Variants in MED27 observed in about 807,000 individuals in gnomAD.
MED27 encodes mediator complex subunit 27.
A neutral mutation model predicts 38.2 loss-of-function variants in MED27; 30 were observed. The observed-to-expected ratio is 0.79, with a 90% CI of 0.59 to 1.07. MED27 has a LOEUF of 1.07. Among genes scored for constraint, MED27 ranks in the 50% least tolerant of loss-of-function variants. The probability of loss-of-function intolerance (pLI) is 0.00; values close to 1 mark genes in which losing one functional copy is unlikely to be tolerated. For missense variants in MED27, 289 were observed against 397.5 expected, an observed-to-expected ratio of 0.73 and a Z score of 2.32; for synonymous variants, 122 against 153.5, an observed-to-expected ratio of 0.79 and a Z score of 1.52.
At chr9:132,044,808 G>A (rs974045270) in intron 2 of MED27, among the ~76,000 whole-genome samples, 2 of 152,098 alleles carry the variant, frequency 1.3e-5, no homozygotes, top group African/African-American at 4.8e-5. Context: ...TTCATTTAAT[G>A]AGAACTCTTA....
chr9:131,892,791 G>C (rs1437465053), intron 5 of MED27, among the ~76,000 whole-genome samples: 1 of 152,172 alleles, frequency 6.6e-6, no homozygotes, highest in Non-Finnish European at 1.5e-5. Flanking sequence ...ACACCTGACT[G>C]ATTACTCACT....
At chr9:131,924,239 CTGT>C (rs1448184946) in intron 4 of MED27, among the ~76,000 whole-genome samples, 2 of 152,112 alleles carry the variant, frequency 1.3e-5, no homozygotes, top group Non-Finnish European at 2.9e-5. Context: ...CCAACAGAAC[CTGT>C]TGTTATGTTT....
chr9:131,897,924 A>C (rs576624880), intron 4 of MED27, among the ~76,000 whole-genome samples: 2 of 152,250 alleles, frequency 1.3e-5, no homozygotes, highest in East Asian at 3.9e-4. Context: ...TCCCAAACTA[A>C]AGAGATCCCC....
At chr9:132,023,548 TTCATTATGG>T (rs1832759996) in intron 2 of MED27, among the ~76,000 whole-genome samples, 1 of 152,182 alleles carries the variant, frequency 6.6e-6, no homozygotes, top group African/African-American at 2.4e-5. Context: ...AAGCACCATT[TTCATTATGG>T]TCAGATGCAG....
At chr9:131,876,602 C>G (rs950142110) in intron 6 of MED27, among the ~76,000 whole-genome samples, 13 of 152,078 alleles carry the variant, frequency 8.5e-5, no homozygotes, top group Admixed American at 6.5e-4. Context: ...GCCTAACGAC[C>G]CTCCCTGCGG....
intron 3 of MED27, among the ~76,000 whole-genome samples, chr9:131,953,886 T>C (rs1589231381): frequency 6.6e-6 from 1 of 151,382 alleles, no homozygotes; most frequent in Non-Finnish European, 1.5e-5. Flanking sequence ...GGCATGATCT[T>C]GGCTCACTGC....
At chr9:132,016,437 TA>T (rs1832604543) in intron 2 of MED27, among the ~76,000 whole-genome samples, 1 of 152,192 alleles carries the variant, frequency 6.6e-6, no homozygotes, top group African/African-American at 2.4e-5. Context: ...GGGGGGAGCA[TA>T]ATTTGGCTCT....
chr9:132,075,399 A>G (rs948121242), intron 2 of MED27, among the ~76,000 whole-genome samples: 1 of 152,232 alleles, frequency 6.6e-6, no homozygotes, highest in Non-Finnish European at 1.5e-5. Context: ...GGCCGGGGGC[A>G]TGGCTACAAC....
Position 132,049,857 on chromosome 9 carries a change from GAAA to G in MED27, c.348+27582_348+27584del, listed in dbSNP as rs959330883. On this transcript the variant is annotated intron_variant, in intron 2 of 7. Transcript: ENST00000292035. ...AAAAGACTGCCAAAGAGAAATGGGGGAAATCCAAAGAAACCCAAAAAAGGTAAA... is the reference window on the plus strand; with the variant it reads ...AAAAGACTGCCAAAGAGAAATGGGGGTCCAAAGAAACCCAAAAAAGGTAAA... 6.6e-5 allele frequency among the ~76,000 whole-genome samples: 10 copies of G among 152,098 alleles called. 1 individual carries two copies. The highest frequency in any genetic ancestry group is 5.9e-4 in the Admixed American group (9 of 15,270).
intron 3 of MED27, among the ~76,000 whole-genome samples, chr9:132,002,057 G>A (rs1304962101): frequency 6.6e-6 from 1 of 152,166 alleles, no homozygotes; most frequent in Admixed American, 6.5e-5. Context: ...TTAATTGGCA[G>A]CCCATTATAG....
chr9:132,010,470 G>C (rs574204898), intron 3 of MED27, among the ~76,000 whole-genome samples: 1 of 152,216 alleles, frequency 6.6e-6, no homozygotes, highest in Non-Finnish European at 1.5e-5. Flanking sequence ...GGAAGACAGC[G>C]TGGTGATTCC....
rs569892930 is a variant in MED27, at chr9:131,873,754, G to A, written c.723+10304C>T. Among the ~76,000 whole-genome samples, 12 of 152,322 alleles carry A rather than the reference G, an allele frequency of 7.9e-5. 1 individual carries two copies. The South Asian group carries it at 1.9e-3, about 24-fold the overall frequency. ...CAGACATTGCTGCTCCATCTTGTCC[G>A]AAATCCCTGCTGACACTTTAGAGAT... is the stretch of plus-strand genomic sequence containing the variant. On this transcript the variant is annotated intron_variant, in intron 6 of 7. Transcript: ENST00000292035.
chr9:132,049,880 G>C (rs1833423363), intron 2 of MED27, among the ~76,000 whole-genome samples: 1 of 151,962 alleles, frequency 6.6e-6, no homozygotes, highest in Non-Finnish European at 1.5e-5. Flanking sequence ...ACCCAAAAAA[G>C]GTAAAATTTC....
intron 3 of MED27, among the ~76,000 whole-genome samples, chr9:131,987,332 G>A (rs1157401319): frequency 6.6e-6 from 1 of 152,156 alleles, no homozygotes; most frequent in Non-Finnish European, 1.5e-5. Context: ...AGCCTCCAGA[G>A]TATCTGTAGA....
At chr9:131,885,813 G>A (rs1839129857) in intron 5 of MED27, among the ~76,000 whole-genome samples, 1 of 152,160 alleles carries the variant, frequency 6.6e-6, no homozygotes, top group African/African-American at 2.4e-5. Context: ...CGGCTCAAGG[G>A]CAATGAGGAA....
At chr9:131,939,523 G>A in intron 3 of MED27, 49 bp from the exon 4 acceptor site, 1 of 1,205,808 alleles carries the variant, frequency 8.3e-7, no homozygotes, top group Non-Finnish European at 1.2e-6. Context: ...CCAGTTAAGA[G>A]CTACAGATTA....
chr9:131,978,651 A>G (rs1413233525), intron 3 of MED27, among the ~76,000 whole-genome samples: 1 of 152,180 alleles, frequency 6.6e-6, no homozygotes. Flanking sequence ...GGACATTTGA[A>G]GTTCTCCATT....
At chr9:131,960,149 A>G (rs928353460) in intron 3 of MED27, among the ~76,000 whole-genome samples, 3 of 152,234 alleles carry the variant, frequency 2.0e-5, no homozygotes, top group Non-Finnish European at 4.4e-5. Flanking sequence ...AGAATAGAAC[A>G]GATAAAAACA....
chr9:131,985,658 GT>G (rs1831833520), intron 3 of MED27, among the ~76,000 whole-genome samples: 1 of 151,512 alleles, frequency 6.6e-6, no homozygotes, highest in African/African-American at 2.4e-5. Context: ...ATAAATGACT[GT>G]TACTGGTTTA....
Sources: gnomAD v4.1 joint callset for allele counts (sites outside exome capture counted in the v4.1 genomes callset) on GRCh38, gnomAD v4.1.1 for gene constraint, MANE v1.5 for transcripts, NCBI Gene and HGNC (gene_info 2026-07-23, HGNC 2026-07-21) for gene names.